Variants in IGSF11 observed in about 807,000 individuals in gnomAD.
IGSF11 encodes CXADR like 1.
Under a neutral mutation model 41.0 loss-of-function variants are expected in IGSF11, and 22 were observed. The ratio of observed to expected loss-of-function variants is 0.54; its 90% CI spans 0.38 to 0.77. IGSF11 has a LOEUF of 0.77. IGSF11 is among the 30% of genes least tolerant of loss of function. The probability of loss-of-function intolerance (pLI) is 0.00; values close to 1 mark genes in which losing one functional copy is unlikely to be tolerated. For missense variants in IGSF11, 444 were observed against 530.8 expected, an observed-to-expected ratio of 0.84 and a Z score of 1.61; for synonymous variants, 219 against 201.3, an observed-to-expected ratio of 1.09 and a Z score of -0.74.
chr3:119,002,520 T>C (rs1288899993), intron 1 of IGSF11, among the ~76,000 whole-genome samples: 5 of 132,710 alleles, frequency 3.8e-5, no homozygotes, highest in African/African-American at 1.3e-4. Context: ...CCATTGCTTT[T>C]GGTGTTTTGG....
chr3:119,066,649 C>A (rs1457004206), intron 1 of IGSF11, among the ~76,000 whole-genome samples: 1 of 152,150 alleles, frequency 6.6e-6, no homozygotes, highest in East Asian at 1.9e-4. Context: ...TGACAGTCAG[C>A]AAACACTGCA....
chr3:119,045,992 G>A (rs1237611281), intron 1 of IGSF11, among the ~76,000 whole-genome samples: 1 of 151,494 alleles, frequency 6.6e-6, no homozygotes, highest in East Asian at 1.9e-4. Context: ...AAACCCATCT[G>A]TACATCACCA....
In IGSF11 at chr3:118,967,785, G is replaced by A. The variant is rs931379715; in HGVS notation, c.53-37510C>T. Among the ~76,000 whole-genome samples the A allele has an allele frequency of 2.0e-5, 3 of 152,264 alleles. No homozygotes were observed. The East Asian group carries it at 5.8e-4, about 29-fold the overall frequency. On this transcript the variant is annotated intron_variant, in intron 1 of 6. Transcript: ENST00000393775. ...ATGAGAAAGCAAGTGAATACATATA[G>A]TTGTATTGTTTTCCTCTTTGTAGGA...
chr3:118,949,527 G>T (rs777463134), intron 1 of IGSF11, among the ~76,000 whole-genome samples: 3 of 152,054 alleles, frequency 2.0e-5, no homozygotes, highest in Non-Finnish European at 4.4e-5. Context: ...CATCTAAGAG[G>T]CTTGAACAAT....
chr3:119,117,812 G>T (rs1485919359), intron 1 of IGSF11, among the ~76,000 whole-genome samples: 1 of 152,218 alleles, frequency 6.6e-6, no homozygotes, highest in Non-Finnish European at 1.5e-5. Flanking sequence ...TACAGGAATT[G>T]GGTAAATATT....
At chr3:119,037,194 ATTTC>A (rs1193985235), upstream of IGSF11, among the ~76,000 whole-genome samples, 5 of 152,236 alleles carry the variant, frequency 3.3e-5, no homozygotes, top group Admixed American at 1.3e-4. Context: ...CCACAGAAGG[ATTTC>A]TTTAAATCCC....
chr3:119,107,301 C>A (rs1357175239), upstream of IGSF11, among the ~76,000 whole-genome samples: 2 of 152,192 alleles, frequency 1.3e-5, no homozygotes, highest in Non-Finnish European at 2.9e-5. Context: ...GAGATGGTAT[C>A]TCATTGTGGT....
chr3:119,078,963 G>A (rs1430751155), intron 1 of IGSF11, among the ~76,000 whole-genome samples: 2 of 152,020 alleles, frequency 1.3e-5, no homozygotes. Context: ...TGGCCAACAC[G>A]CACATGAAAA....
At chr3:119,122,529 G>A (rs1052892116) in intron 1 of IGSF11, among the ~76,000 whole-genome samples, 2 of 152,266 alleles carry the variant, frequency 1.3e-5, no homozygotes, top group Non-Finnish European at 2.9e-5. Flanking sequence ...CTCAGAGCCA[G>A]TGGACTAGGG....
intron 1 of IGSF11, among the ~76,000 whole-genome samples, chr3:118,954,464 GAACCCCTC>G (rs1198599628): frequency 6.6e-6 from 1 of 151,964 alleles, no homozygotes; most frequent in Non-Finnish European, 1.5e-5. Flanking sequence ...TGACTTCCTT[GAACCCCTC>G]AAGGTCATGC....
At chr3:119,094,663 G>A (rs1052270508) in intron 1 of IGSF11, among the ~76,000 whole-genome samples, 5 of 143,606 alleles carry the variant, frequency 3.5e-5, no homozygotes, top group African/African-American at 1.3e-4. Flanking sequence ...ATCCCAGAGA[G>A]CAACTCTATT....
chr3:118,962,190 T>C (rs1347836365), intron 1 of IGSF11, among the ~76,000 whole-genome samples: 1 of 152,230 alleles, frequency 6.6e-6, no homozygotes, highest in Non-Finnish European at 1.5e-5. Flanking sequence ...CATTTTGTTC[T>C]TCTACCTGCA....
intron 1 of IGSF11, chr3:118,949,212 A>C (rs1425128183): frequency 6.6e-6 from 1 of 152,044 alleles, no homozygotes; most frequent in East Asian, 1.9e-4. Context: ...ACCAAAACAA[A>C]GAACAAAGAT....
At chr3:119,105,380 A>G (rs1309917372), upstream of IGSF11, among the ~76,000 whole-genome samples, 1 of 152,222 alleles carries the variant, frequency 6.6e-6, no homozygotes, top group Non-Finnish European at 1.5e-5. Context: ...TTAATCACAC[A>G]GAAACTTTAA....
At chr3:118,987,067 G>A (rs921996104) in intron 1 of IGSF11, among the ~76,000 whole-genome samples, 2 of 152,148 alleles carry the variant, frequency 1.3e-5, no homozygotes, top group African/African-American at 2.4e-5. Context: ...CAAACACATG[G>A]ACCAGGAAAA....
At chr3:118,974,745 T>A (rs1282521926) in intron 1 of IGSF11, among the ~76,000 whole-genome samples, 1 of 151,974 alleles carries the variant, frequency 6.6e-6, no homozygotes, top group Non-Finnish European at 1.5e-5. Flanking sequence ...GGTGTGAGGT[T>A]TCCACCATAT....
At chr3:118,912,880 T>A (rs1193937835) in intron 4 of IGSF11, among the ~76,000 whole-genome samples, 1 of 152,098 alleles carries the variant, frequency 6.6e-6, no homozygotes, top group African/African-American at 2.4e-5. Flanking sequence ...ACATCTGTAA[T>A]CCCAGCTACT....
chr3:118,981,386 C>A (rs921023547), intron 1 of IGSF11, among the ~76,000 whole-genome samples: 3 of 152,092 alleles, frequency 2.0e-5, no homozygotes, highest in African/African-American at 7.2e-5. Flanking sequence ...TTGGCTCAAA[C>A]TCCTGACCTC....
chr3:119,091,481 T>C (rs1184403192), intron 1 of IGSF11, among the ~76,000 whole-genome samples: 1 of 152,158 alleles, frequency 6.6e-6, no homozygotes, highest in African/African-American at 2.4e-5. Flanking sequence ...TAGATTGGAT[T>C]AAACAAATGT....
Sources: allele counts gnomAD v4.1 joint callset (sites outside exome capture counted in the v4.1 genomes callset), GRCh38; gene constraint gnomAD v4.1.1; transcripts MANE v1.5; gene names NCBI Gene and HGNC (gene_info 2026-07-23, HGNC 2026-07-21).